The following CACHD1 variants were observed in gnomAD, a reference collection of about 807,000 sequenced individuals.
CACHD1 encodes the protein cache domain containing 1, also known as VWFA and cache domain-containing protein 1.
In CACHD1, 71 loss-of-function variants were observed where a neutral mutation model predicts 138.7. The observed-to-expected ratio is 0.51, with a 90% confidence interval of 0.42 to 0.62. CACHD1 has a LOEUF of 0.62. Ranked by LOEUF, CACHD1 falls within the 20% of genes least tolerant of loss-of-function variation. The pLI, the probability that CACHD1 is intolerant of heterozygous loss-of-function variation, is 0.00. For synonymous variants in CACHD1, 578 were observed against 591.5 expected, an observed-to-expected ratio of 0.98 and a Z score of 0.33; for missense variants, 1,389 against 1,625.3, an observed-to-expected ratio of 0.85 and a Z score of 2.50.
At chr1:64,643,036 T>TAAAAAAAAAAAAAAAAAAAAAAAAAAA (rs139320316) in intron 8 of CACHD1, among the ~76,000 whole-genome samples, 1 of 33,342 alleles carries the variant, frequency 3.0e-5, no homozygotes, top group African/African-American at 8.1e-5. Context: ...AGACTCTGTC[T>TAAAAAAAAAAAAAAAAAAAAAAAAAAA]AAAAAAAAAA....
intron 7 of CACHD1, among the ~76,000 whole-genome samples, chr1:64,637,363 T>A (rs1648561105): frequency 6.6e-6 from 1 of 152,176 alleles, no homozygotes; most frequent in South Asian, 2.1e-4. Flanking sequence ...TGCTCCTCTG[T>A]TCAGTCCATT....
intron 2 of CACHD1, among the ~76,000 whole-genome samples, chr1:64,554,637 T>C (rs997239174): frequency 2.6e-5 from 4 of 152,242 alleles, no homozygotes; most frequent in Non-Finnish European, 4.4e-5. Context: ...TGCATGCTTA[T>C]AGTAAATTTT....
At chr1:64,672,616 A>G (rs1017990223) in intron 17 of CACHD1, among the ~76,000 whole-genome samples, 1 of 152,214 alleles carries the variant, frequency 6.6e-6, no homozygotes, top group African/African-American at 2.4e-5. Flanking sequence ...AAGGTTCAGT[A>G]CTATCATCAC....
intron 1 of CACHD1, among the ~76,000 whole-genome samples, chr1:64,480,619 G>T (rs1031845130): frequency 3.3e-5 from 5 of 151,958 alleles, no homozygotes; most frequent in African/African-American, 1.2e-4. Flanking sequence ...AAGTGCAAAG[G>T]TAAGTGGTCA....
At chr1:64,601,684 G>C (rs1207694636) in intron 3 of CACHD1, among the ~76,000 whole-genome samples, 1 of 152,178 alleles carries the variant, frequency 6.6e-6, no homozygotes, top group African/African-American at 2.4e-5. Flanking sequence ...TAGGAGATGT[G>C]ATCAACAGAT....
intron 2 of CACHD1, among the ~76,000 whole-genome samples, chr1:64,572,395 C>T (rs901016692): frequency 6.6e-6 from 1 of 152,040 alleles, no homozygotes; most frequent in South Asian, 2.1e-4. Context: ...TGAAGCCTGC[C>T]TTTCCCTTTG....
intron 1 of CACHD1, among the ~76,000 whole-genome samples, chr1:64,537,255 C>T (rs1342532171): frequency 8.8e-5 from 7 of 79,726 alleles, no homozygotes; most frequent in Non-Finnish European, 2.2e-4. Context: ...ACTTATGCTG[C>T]CCTGCCCAGA....
intron 15 of CACHD1, among the ~76,000 whole-genome samples, chr1:64,665,638 CACAA>C (rs1320874259): frequency 1.3e-5 from 2 of 152,144 alleles, no homozygotes; most frequent in African/African-American, 4.8e-5. Context: ...TTCAGTGTAA[CACAA>C]ACAAAATTCA....
At chr1:64,500,021 T>G (rs1646329417) in intron 1 of CACHD1, among the ~76,000 whole-genome samples, 1 of 152,216 alleles carries the variant, frequency 6.6e-6, no homozygotes, top group Non-Finnish European at 1.5e-5. Flanking sequence ...CTACACATCT[T>G]TCTGGTTTAA....
chr1:64,516,724 C>G (rs1407460608), intron 1 of CACHD1, among the ~76,000 whole-genome samples: 2 of 152,180 alleles, frequency 1.3e-5, no homozygotes, highest in Non-Finnish European at 2.9e-5. Flanking sequence ...TTTTTATCTT[C>G]TTATTATTGT....
intron 1 of CACHD1, among the ~76,000 whole-genome samples, chr1:64,520,418 G>A (rs1646489891): frequency 6.6e-6 from 1 of 152,166 alleles, no homozygotes; most frequent in Non-Finnish European, 1.5e-5. Context: ...GAACATGGAT[G>A]GTGGAAATAT....
intron 1 of CACHD1, among the ~76,000 whole-genome samples, chr1:64,521,489 T>G (rs1453825700): frequency 2.0e-5 from 3 of 152,268 alleles, no homozygotes; most frequent in Non-Finnish European, 2.9e-5. Context: ...GTGACTGACT[T>G]CTTTCACTTA....
chr1:64,612,341 G>C (rs1647563562), intron 4 of CACHD1, among the ~76,000 whole-genome samples: 1 of 152,108 alleles, frequency 6.6e-6, no homozygotes, highest in Non-Finnish European at 1.5e-5. Context: ...ATCATACTGT[G>C]AGATCACAGA....
chr1:64,544,329 A>G (rs1210595744), intron 1 of CACHD1, among the ~76,000 whole-genome samples: 1 of 152,172 alleles, frequency 6.6e-6, no homozygotes, highest in Non-Finnish European at 1.5e-5. Flanking sequence ...ATTCATTTCA[A>G]TATCTAGTTA....
chr1:64,689,411 A>T (rs890907377), intron 26 of CACHD1, among the ~76,000 whole-genome samples: 2 of 151,908 alleles, frequency 1.3e-5, no homozygotes, highest in African/African-American at 4.8e-5. Context: ...TGACTTACCA[A>T]TTTCTCTTGC....
At chr1:64,614,214 G>A (rs1320981990) in intron 4 of CACHD1, among the ~76,000 whole-genome samples, 4 of 152,098 alleles carry the variant, frequency 2.6e-5, no homozygotes, top group South Asian at 2.1e-4. Context: ...CTCTTCTTTA[G>A]TCTAGACACC....
intron 26 of CACHD1, among the ~76,000 whole-genome samples, chr1:64,683,122 A>G (rs1650246004): frequency 6.6e-6 from 1 of 152,196 alleles, no homozygotes; most frequent in African/African-American, 2.4e-5. Context: ...GTCACCATTT[A>G]CACTACAGCC....
rs79005229 is a variant in CACHD1, at chr1:64,567,547, C to T, written c.262-14609C>T. Among the ~76,000 whole-genome samples, 1,386 of 152,142 alleles carry T rather than the reference C, an allele frequency of 9.1e-3. 28 individuals are homozygous for T. The highest frequency in any genetic ancestry group is 0.032 in the African/African-American group (1,327 of 41,488). ...ACCCTCTGATACAAATACAGTTCTT[C>T]GCCTCATTTTGAGGAAATCGAGACT... On this transcript the variant is annotated intron_variant, in intron 2 of 26. Coordinates refer to ENST00000651257, the MANE Select transcript of CACHD1 (RefSeq NM_020925.4).
intron 1 of CACHD1, among the ~76,000 whole-genome samples, chr1:64,536,596 TAGG>T (rs1646634579): frequency 6.6e-6 from 1 of 152,202 alleles, no homozygotes; most frequent in Non-Finnish European, 1.5e-5. Flanking sequence ...GGCTGAGAGT[TAGG>T]AGAAGTATTC....
Sources: allele counts gnomAD v4.1 joint callset (sites outside exome capture counted in the v4.1 genomes callset), GRCh38; gene constraint gnomAD v4.1.1; transcripts MANE v1.5; gene names NCBI Gene and HGNC (gene_info 2026-07-23, HGNC 2026-07-21).